The following STXBP5L variants were observed in gnomAD, a reference collection of about 807,000 sequenced individuals.
The protein encoded by STXBP5L is syntaxin binding protein 5L.
A neutral mutation model predicts 144.5 loss-of-function variants in STXBP5L; 65 were observed. That is an observed-to-expected ratio of 0.45 (90% CI 0.37 to 0.55). STXBP5L has a LOEUF of 0.55. Among genes scored for constraint, STXBP5L ranks in the 20% least tolerant of loss-of-function variants. The probability of loss-of-function intolerance (pLI) is 0.00; values close to 1 mark genes in which losing one functional copy is unlikely to be tolerated. For missense variants in STXBP5L, 1,298 were observed against 1,405.5 expected (o/e 0.92, Z 1.22); for synonymous variants, 505 against 469.6 (o/e 1.08, Z -0.97).
At chr3:121,352,531 T>G (rs1294776924) in intron 20 of STXBP5L, among the ~76,000 whole-genome samples, 1 of 152,124 alleles carries the variant, frequency 6.6e-6, no homozygotes, top group Non-Finnish European at 1.5e-5. Flanking sequence ...GTACATTGAT[T>G]TTGTATCCAG....
chr3:121,253,381 C>CATACATAT (rs1193956177), intron 15 of STXBP5L, among the ~76,000 whole-genome samples: 1 of 151,910 alleles, frequency 6.6e-6, no homozygotes, highest in Non-Finnish European at 1.5e-5. Flanking sequence ...CTCTCACACA[C>CATACATAT]ATACATATAT....
chr3:121,162,443 G>A (rs563149966), intron 9 of STXBP5L, among the ~76,000 whole-genome samples: 20 of 152,148 alleles, frequency 1.3e-4, no homozygotes, highest in Admixed American at 3.3e-4. Flanking sequence ...AGACTTAAAC[G>A]TAAGACCTAA....
chr3:121,052,624 C>T (rs990756933), intron 5 of STXBP5L, among the ~76,000 whole-genome samples: 1 of 152,138 alleles, frequency 6.6e-6, no homozygotes, highest in African/African-American at 2.4e-5. Context: ...CTATGACAAA[C>T]CCACAGTCAA....
At chr3:120,959,078 T>G (rs1357454128) in intron 3 of STXBP5L, among the ~76,000 whole-genome samples, 4 of 152,172 alleles carry the variant, frequency 2.6e-5, no homozygotes, top group Admixed American at 6.5e-5. Flanking sequence ...AAAATCAATG[T>G]GCAAAAATCA....
intron 3 of STXBP5L, among the ~76,000 whole-genome samples, chr3:120,985,898 T>C (rs1373660486): frequency 6.6e-6 from 1 of 151,984 alleles, no homozygotes; most frequent in Non-Finnish European, 1.5e-5. Flanking sequence ...TTTTCTATTG[T>C]TTCTCTATTT....
chr3:121,341,024 TA>T (rs1295486733), intron 20 of STXBP5L, among the ~76,000 whole-genome samples: 1 of 151,992 alleles, frequency 6.6e-6, no homozygotes, highest in Non-Finnish European at 1.5e-5. Context: ...TACATCAAGC[TA>T]AAAAGATTCT....
intron 6 of STXBP5L, 23 bp downstream of exon 6, chr3:121,115,082 C>A (rs758622341): frequency 3.1e-6 from 5 of 1,594,274 alleles, no homozygotes; most frequent in African/African-American, 2.7e-5. Context: ...TTGGATATCA[C>A]TTTATTGGCT....
intron 22 of STXBP5L, among the ~76,000 whole-genome samples, chr3:121,391,500 T>C (rs973233009): frequency 1.3e-5 from 2 of 152,218 alleles, no homozygotes; most frequent in Admixed American, 6.5e-5. Flanking sequence ...TTTTCTGCTC[T>C]GGTTTCTCCC....
At chr3:121,402,495 C>G (rs1190529927) in intron 22 of STXBP5L, among the ~76,000 whole-genome samples, 3 of 152,164 alleles carry the variant, frequency 2.0e-5, no homozygotes, top group Non-Finnish European at 4.4e-5. Flanking sequence ...ATTTCACAGT[C>G]AAGCTCTATA....
At chr3:121,110,942 C>G (rs894380281) in intron 5 of STXBP5L, among the ~76,000 whole-genome samples, 1 of 151,876 alleles carries the variant, frequency 6.6e-6, no homozygotes, top group Non-Finnish European at 1.5e-5. Flanking sequence ...ATTCCTTTTT[C>G]TTTTTTTTCC....
At chr3:121,181,271 G>A (rs1001102697) in intron 9 of STXBP5L, among the ~76,000 whole-genome samples, 1 of 151,982 alleles carries the variant, frequency 6.6e-6, no homozygotes, top group Non-Finnish European at 1.5e-5. Flanking sequence ...AGCTGAGATC[G>A]TGCCATTCCA....
Position 121,007,033 on chromosome 3 carries a change from G to A in STXBP5L, c.288-34667G>A, listed in dbSNP as rs557230960. Among the ~76,000 whole-genome samples the A allele has an allele frequency of 3.3e-3, 499 of 152,168 alleles. 3 individuals carry two copies. Among genetic ancestry groups the A allele is most frequent in the Non-Finnish European group, 5.6e-3 (383 of 67,978 alleles). On this transcript the variant is annotated intron_variant, in intron 3 of 26. Coordinates refer to ENST00000471454, the MANE Select transcript of STXBP5L (RefSeq NM_001308330.2). Reference sequence around the variant, plus strand: ...GAATCTGACAATTATGTGTCTTGGAGTTGCTCTTCTTGAGGAGTATCTTTG... The same window carrying A: ...GAATCTGACAATTATGTGTCTTGGAATTGCTCTTCTTGAGGAGTATCTTTG...
chr3:121,039,187 A>G (rs926442345), intron 3 of STXBP5L, among the ~76,000 whole-genome samples: 1 of 151,742 alleles, frequency 6.6e-6, no homozygotes, highest in Non-Finnish European at 1.5e-5. Flanking sequence ...CCCCAACAAT[A>G]TTCTGCGTTA....
In STXBP5L at chr3:121,395,013, A is replaced by G. The variant is rs1057093023; in HGVS notation, c.2588-12230A>G. The stretch of plus-strand genomic sequence containing the variant: ...TCATTTTTTAGTGGCATGAATTCAG[A>G]CTTTTGCCAGAATAGGGCCCCTTCT... On this transcript the variant is annotated intron_variant, in intron 22 of 26. Coordinates refer to ENST00000471454, the MANE Select transcript of STXBP5L (RefSeq NM_001308330.2). 1.1e-4 allele frequency among the ~76,000 whole-genome samples: 17 copies of G among 152,298 alleles called. No homozygotes were observed. The East Asian group carries it at 3.3e-3, about 29-fold the overall frequency.
intron 10 of STXBP5L, among the ~76,000 whole-genome samples, chr3:121,217,133 T>C (rs1262776300): frequency 1.3e-5 from 2 of 152,140 alleles, no homozygotes; most frequent in East Asian, 3.9e-4. Context: ...GGGGTTGGGA[T>C]CCACTGAGCT....
At chr3:121,168,720 G>A (rs1270168218) in intron 9 of STXBP5L, among the ~76,000 whole-genome samples, 1 of 152,162 alleles carries the variant, frequency 6.6e-6, no homozygotes. Context: ...TTTGATTGGT[G>A]TACCTAAAAG....
intron 3 of STXBP5L, among the ~76,000 whole-genome samples, chr3:121,004,824 A>AT (rs1167977338): frequency 1.3e-5 from 2 of 152,076 alleles, no homozygotes; most frequent in Non-Finnish European, 2.9e-5. Context: ...GGGTTTTGTC[A>AT]TTGGTTTTAT....
At chr3:121,354,147 T>C (rs536772725) in intron 20 of STXBP5L, among the ~76,000 whole-genome samples, 4 of 152,264 alleles carry the variant, frequency 2.6e-5, no homozygotes, top group Non-Finnish European at 5.9e-5. Flanking sequence ...CTGAGAAAAA[T>C]GTATATTCTG....
intron 7 of STXBP5L, among the ~76,000 whole-genome samples, chr3:121,122,243 A>G (rs2044500773): frequency 6.7e-6 from 1 of 150,146 alleles, no homozygotes; most frequent in Non-Finnish European, 1.5e-5. Context: ...ATATTAATAA[A>G]TTATTTAGTA....
Sources: gnomAD v4.1 joint callset for allele counts (sites outside exome capture counted in the v4.1 genomes callset) on GRCh38, gnomAD v4.1.1 for gene constraint, MANE v1.5 for transcripts, NCBI Gene and HGNC (gene_info 2026-07-23, HGNC 2026-07-21) for gene names.